RIPOR3: variants seen among roughly 807,000 people sequenced by gnomAD.
RIPOR3 encodes RIPOR family member 3.
In RIPOR3, 95 loss-of-function variants were observed where a neutral mutation model predicts 114.3. The observed-to-expected ratio is 0.83, with a 90% confidence interval of 0.70 to 0.99. The LOEUF (loss-of-function observed/expected upper bound fraction) is 0.99, where lower values mean the gene tolerates loss of function less well. RIPOR3 is among the 50% of genes least tolerant of loss of function. The probability of loss-of-function intolerance (pLI) is 0.00; values close to 1 mark genes in which losing one functional copy is unlikely to be tolerated. For synonymous variants in RIPOR3, 575 were observed against 543.8 expected (o/e 1.06, Z -0.80); for missense variants, 1,252 against 1,266.9 (o/e 0.99, Z 0.18).
In RIPOR3 at chr20:50,602,206, T is replaced by C; in HGVS notation, c.1525A>G (p.Arg509Gly). 6.2e-7 allele frequency: 1 copy of C among 1,613,758 alleles called. No homozygotes were observed. Among genetic ancestry groups the C allele is most frequent in the East Asian group, 2.2e-5 (1 of 44,872 alleles). The stretch of plus-strand genomic sequence containing the variant: ...AGGGCCACGCCAGGCCCGTCCTCTC[T>C]GTCCCCGGTTGCCCCTTCCTCGTGG... ...NGHEEGATGD[R>G]EDGPGVALEG... is the part of the protein sequence containing the mutation. Residue 509 changes from arginine to glycine, a missense_variant, in exon 13 of 22, where the codon AGA becomes GGA. Arg to Gly is a moderately radical substitution (Grantham distance 125). Coordinates refer to ENST00000327979, the MANE Select transcript of RIPOR3 (RefSeq NM_001290268.2). This position sits in a 1 kb window ranked among gnomAD's most constrained non-coding sequence, Gnocchi z 4.3.
intron 7 of RIPOR3, 27 bp downstream of exon 7, chr20:50,609,546 T>TGCCCAGCCCAGCTTG: frequency 2.1e-6 from 3 of 1,427,362 alleles, no homozygotes; most frequent in Non-Finnish European, 2.7e-6. Flanking sequence ...CTGCCCCTGC[T>TGCCCAGCCCAGCTTG]GCCCAGCCCA....
rs2082947358 is a variant in RIPOR3 at position 50,587,217 on chromosome 20, A to T, written c.*15T>A. The stretch of plus-strand genomic sequence containing the variant: ...AAAAAACGATGTGAGATTTGTGCTC[A>T]TCAGCCAGGATTTTTTAAAATATTG... On this transcript the variant is annotated 3_prime_UTR_variant, in exon 22 of 22. Transcript: ENST00000327979. The T allele has an allele frequency of 6.2e-7, 1 of 1,605,202 alleles. No homozygotes were observed. Among genetic ancestry groups the T allele is most frequent in the Admixed American group, 1.7e-5 (1 of 59,992 alleles).
chr20:50,611,049 A>C (rs989587249), intron 5 of RIPOR3, 132 bp downstream of exon 5: 3 of 1,540,248 alleles, frequency 1.9e-6, no homozygotes, highest in African/African-American at 2.7e-5. Flanking sequence ...GCAGAGACTC[A>C]GCCTTCCCAT....
intron 1 of RIPOR3, among the ~76,000 whole-genome samples, chr20:50,666,183 A>ATTTCTTCTTTTCTTTTCTCT (rs2086189628): frequency 2.3e-5 from 1 of 43,734 alleles, no homozygotes. Context: ...AAGGACACCC[A>ATTTCTTCTTTTCTTTTCTCT]TTTCTTTTCT....
At chr20:50,663,396 C>T (rs2086069923) in intron 1 of RIPOR3, among the ~76,000 whole-genome samples, 1 of 152,212 alleles carries the variant, frequency 6.6e-6, no homozygotes, top group African/African-American at 2.4e-5. Flanking sequence ...GAGTATGGCA[C>T]AGTGGCTACT....
intron 2 of RIPOR3, among the ~76,000 whole-genome samples, chr20:50,625,071 T>TG (rs2084568685): frequency 1.2e-5 from 1 of 81,294 alleles, no homozygotes; most frequent in South Asian, 4.2e-4. Flanking sequence ...AGTGCTTTTG[T>TG]TTTTTTTTTT....
At chr20:50,600,049 C>T (rs1007629982) in intron 13 of RIPOR3, among the ~76,000 whole-genome samples, 8 of 152,100 alleles carry the variant, frequency 5.3e-5, no homozygotes, top group African/African-American at 9.7e-5. Flanking sequence ...TACAGGTGCA[C>T]GCTACCATGC....
At chr20:50,681,984 T>C (rs1266513146) in intron 1 of RIPOR3, among the ~76,000 whole-genome samples, 1 of 152,196 alleles carries the variant, frequency 6.6e-6, no homozygotes, top group African/African-American at 2.4e-5. Flanking sequence ...AGTAAGATGT[T>C]TGACAAATGC....
At chr20:50,677,706 G>T in intron 1 of RIPOR3, among the ~76,000 whole-genome samples, 1 of 138,968 alleles carries the variant, frequency 7.2e-6, no homozygotes, top group African/African-American at 2.7e-5. Context: ...ATCTCACTCT[G>T]TCACCCAGGC....
At chr20:50,589,260 A>G (rs1222192534) in intron 20 of RIPOR3, among the ~76,000 whole-genome samples, 1 of 151,920 alleles carries the variant, frequency 6.6e-6, no homozygotes, top group East Asian at 1.9e-4. Context: ...TTTCTGCTAC[A>G]TTCTAGGATG....
chr20:50,607,404 A>G (rs1056540278), intron 11 of RIPOR3, among the ~76,000 whole-genome samples: 3 of 152,166 alleles, frequency 2.0e-5, no homozygotes, highest in East Asian at 1.9e-4. Flanking sequence ...CGGAGTAGGT[A>G]GGTCCCCATA....
chr20:50,644,063 T>G (rs932673687), intron 1 of RIPOR3, among the ~76,000 whole-genome samples: 1 of 151,778 alleles, frequency 6.6e-6, no homozygotes, highest in Non-Finnish European at 1.5e-5. Flanking sequence ...AAGGCTGCAG[T>G]GAGCCAGGAT....
chr20:50,654,387 G>A (rs748956345), intron 1 of RIPOR3, among the ~76,000 whole-genome samples: 86 of 139,274 alleles, frequency 6.2e-4, no homozygotes, highest in Non-Finnish European at 1.3e-3. Context: ...GGCTGGTCTC[G>A]AACTCCTGAC....
In RIPOR3 at chr20:50,615,626, G is replaced by A. The variant is rs143031088; in HGVS notation, c.348+376C>T. 4.9e-3 allele frequency among the ~76,000 whole-genome samples: 745 copies of A among 152,060 alleles called. 8 individuals carry two copies. Among genetic ancestry groups the A allele is most frequent in the African/African-American group, 0.017 (696 of 41,478 alleles). Reference sequence around the variant, plus strand: ...ACACGCAGGCTTCATCAAGGACAGCGGCAGAGGCCACTGTGACATACCCAA... The same window carrying A: ...ACACGCAGGCTTCATCAAGGACAGCAGCAGAGGCCACTGTGACATACCCAA... On this transcript the variant is annotated intron_variant, in intron 4 of 21. Coordinates refer to ENST00000327979, the MANE Select transcript of RIPOR3 (RefSeq NM_001290268.2).
chr20:50,593,309 G>T, intron 17 of RIPOR3, 113 bp from the exon 18 acceptor site: 5 of 1,232,492 alleles, frequency 4.1e-6, no homozygotes, highest in Non-Finnish European at 5.5e-6. Flanking sequence ...GCAGTGGCTC[G>T]CACCTGTAAC....
chr20:50,614,377 G>A (rs1000077916), intron 4 of RIPOR3, among the ~76,000 whole-genome samples: 4 of 152,148 alleles, frequency 2.6e-5, no homozygotes, highest in Non-Finnish European at 5.9e-5. Flanking sequence ...TCCCCTCCTC[G>A]CTTTCCCAGT....
rs748603107 is a variant in RIPOR3 at position 50,630,831 on chromosome 20, C to T, written c.29G>A (p.Arg10Gln). Residue 10 changes from arginine (R) to glutamine (Q), a missense_variant, in exon 2 of 22, where the codon CGG becomes CAG. Physicochemically the swap from Arg to Gln is conservative, Grantham distance 43. Coordinates refer to ENST00000327979, the MANE Select transcript of RIPOR3 (RefSeq NM_001290268.2). The stretch of plus-strand genomic sequence containing the variant: ...CCCTGTGTCCCCAGGGGACAGGAAC[C>T]GCAACCTCACCGACATGGTGGTCAC... MVTTMSVRL[R>Q]FLSPGDTGAV... 51 of 1,607,432 alleles carry T rather than the reference C, an allele frequency of 3.2e-5. No individual in the cohort carries two copies. Among genetic ancestry groups the T allele is most frequent in the African/African-American group, 4.0e-5 (3 of 74,750 alleles).
intron 1 of RIPOR3, among the ~76,000 whole-genome samples, chr20:50,645,005 A>G (rs1380990047): frequency 6.6e-6 from 1 of 151,710 alleles, no homozygotes; most frequent in African/African-American, 2.4e-5. Context: ...AAGCCCAGCT[A>G]ATTTTTTTGT....
chr20:50,608,178 A>C (rs886942767), intron 11 of RIPOR3, among the ~76,000 whole-genome samples: 1 of 152,202 alleles, frequency 6.6e-6, no homozygotes, highest in African/African-American at 2.4e-5. Context: ...AGAAGCAAGA[A>C]GGGAAGCAAA....
Sources: gnomAD v4.1 joint callset for allele counts (sites outside exome capture counted in the v4.1 genomes callset) on GRCh38, gnomAD v4.1.1 for gene constraint, Gnocchi (gnomAD v3.1) non-coding constraint, MANE v1.5 for transcripts, NCBI Gene and HGNC (gene_info 2026-07-23, HGNC 2026-07-21) for gene names.